The following KLHL13 variants were observed in gnomAD, a reference collection of about 807,000 sequenced individuals.
KLHL13 encodes kelch like family member 13, also known as kelch-like protein 13.
KLHL13 carries 10 observed loss-of-function variants against 37.1 expected under a neutral mutation model. The ratio of observed to expected loss-of-function variants is 0.27; its 90% CI spans 0.17 to 0.46. The LOEUF is 0.46. Among genes scored for constraint, KLHL13 ranks in the 20% least tolerant of loss-of-function variants. KLHL13 has a pLI of 1.00. For missense variants in KLHL13, 360 were observed against 509.3 expected (o/e 0.71, Z 2.82); for synonymous variants, 163 against 181.2 (o/e 0.90, Z 0.81).
intron 1 of KLHL13, among the ~76,000 whole-genome samples, chrX:117,994,105 TC>T (rs2053826934): frequency 8.9e-6 from 1 of 112,116 alleles, no homozygotes; most frequent in African/African-American, 3.2e-5. Context: ...TAAAATGGTT[TC>T]CCACCAACTC....
At chrX:118,010,829 T>C (rs972827752) in intron 1 of KLHL13, among the ~76,000 whole-genome samples, 34 of 110,664 alleles carry the variant, frequency 3.1e-4, no homozygotes, top group Non-Finnish European at 3.8e-5. Flanking sequence ...TCCCAGTACT[T>C]TGGGAGGCTG....
At chrX:117,986,294 CAT>C (rs984436636) in intron 1 of KLHL13, among the ~76,000 whole-genome samples, 2 of 111,742 alleles carry the variant, frequency 1.8e-5, no homozygotes, top group Non-Finnish European at 3.8e-5. Flanking sequence ...AAGAAAGAAA[CAT>C]GTGAAGGAAT....
intron 1 of KLHL13, among the ~76,000 whole-genome samples, chrX:118,113,647 C>A (rs978623536): frequency 8.9e-6 from 1 of 112,126 alleles, no homozygotes; most frequent in African/African-American, 3.2e-5. Context: ...GGTCTCTGCT[C>A]AATCATCTTC....
chrX:118,027,364 G>T (rs2054285405), intron 1 of KLHL13, among the ~76,000 whole-genome samples: 1 of 110,558 alleles, frequency 9.0e-6, no homozygotes, highest in Admixed American at 9.7e-5. Flanking sequence ...ACCCTTTAAA[G>T]AGCACCCATT....
chrX:118,110,095 G>A (rs2055391067), intron 1 of KLHL13, among the ~76,000 whole-genome samples: 1 of 111,535 alleles, frequency 9.0e-6, no homozygotes, highest in African/African-American at 3.3e-5. Context: ...AAAGGAAAAG[G>A]CTGTCAAGAT....
chrX:118,090,322 A>G (rs5956007), intron 1 of KLHL13, among the ~76,000 whole-genome samples: 1 of 110,195 alleles, frequency 9.1e-6, no homozygotes, highest in Non-Finnish European at 1.9e-5. Context: ...GAAACTACCA[A>G]AAGAGTGAAC....
chrX:118,010,147 G>A (rs1290489516), intron 1 of KLHL13, among the ~76,000 whole-genome samples: 1 of 99,876 alleles, frequency 1.0e-5, no homozygotes, highest in African/African-American at 3.7e-5. Flanking sequence ...TGGTGGGACT[G>A]TAAACTAGTT....
intron 1 of KLHL13, among the ~76,000 whole-genome samples, chrX:118,097,551 A>C (rs1393017571): frequency 8.9e-6 from 1 of 111,905 alleles, no homozygotes; most frequent in Non-Finnish European, 1.9e-5. Flanking sequence ...GCTACCAATG[A>C]CTTTCTTCAC....
chrX:118,073,060 C>T (rs1367563685), intron 1 of KLHL13, among the ~76,000 whole-genome samples: 1 of 108,425 alleles, frequency 9.2e-6, no homozygotes, highest in African/African-American at 3.4e-5. Flanking sequence ...TGCCACTGCA[C>T]TATCACCTGG....
At chrX:118,087,581 A>C (rs1215440679) in intron 1 of KLHL13, among the ~76,000 whole-genome samples, 1 of 111,266 alleles carries the variant, frequency 9.0e-6, no homozygotes, top group Non-Finnish European at 1.9e-5. Flanking sequence ...TTTATCTAAA[A>C]GAGTCTGGAA....
intron 1 of KLHL13, among the ~76,000 whole-genome samples, chrX:118,073,087 C>T (rs1465681822): frequency 9.3e-6 from 1 of 107,303 alleles, no homozygotes; most frequent in Non-Finnish European, 1.9e-5. Context: ...GAGTGAGACA[C>T]TCTCTCAAAA....
chrX:118,029,559 C>A (rs922979510), intron 1 of KLHL13, among the ~76,000 whole-genome samples: 1 of 111,514 alleles, frequency 9.0e-6, no homozygotes, highest in Non-Finnish European at 1.9e-5. Context: ...TTATTCTATT[C>A]GTTTCAGATA....
chrX:118,033,136 G>C (rs866522319), intron 1 of KLHL13, among the ~76,000 whole-genome samples: 1 of 111,289 alleles, frequency 9.0e-6, no homozygotes, highest in Non-Finnish European at 1.9e-5. Context: ...GAAAGTGAGG[G>C]GGGGGAATGG....
At chrX:117,986,318 C>G (rs2516004) in intron 1 of KLHL13, among the ~76,000 whole-genome samples, 27,322 of 110,774 alleles carry the variant, frequency 0.25, 5,553 homozygotes, top group African/African-American at 0.69. Flanking sequence ...CAACATGTTG[C>G]AGGGATCAGC....
chrX:118,036,140 A>T (rs1270488626), intron 1 of KLHL13, among the ~76,000 whole-genome samples: 1 of 101,742 alleles, frequency 9.8e-6, no homozygotes, highest in Non-Finnish European at 2.0e-5. Flanking sequence ...GGTAGGAAGA[A>T]TCAATATCGT....
intron 1 of KLHL13, among the ~76,000 whole-genome samples, chrX:118,043,653 T>C (rs1267625253): frequency 8.9e-6 from 1 of 111,845 alleles, no homozygotes; most frequent in Non-Finnish European, 1.9e-5. Context: ...ATCATTTCAA[T>C]TGATAATGAA....
intron 2 of KLHL13, among the ~76,000 whole-genome samples, chrX:117,937,320 T>C (rs762834799): frequency 9.0e-6 from 1 of 111,416 alleles, no homozygotes; most frequent in Non-Finnish European, 1.9e-5. Context: ...CATAGAGTGG[T>C]ATCTCTATGG....
chrX:117,953,569 T>C (rs1569424936), intron 1 of KLHL13, among the ~76,000 whole-genome samples: 1 of 109,833 alleles, frequency 9.1e-6, no homozygotes, highest in African/African-American at 3.3e-5. Flanking sequence ...TAAAATAAAA[T>C]AAAAAAATAA....
upstream of KLHL13, among the ~76,000 whole-genome samples, chrX:117,975,908 C>T (rs1315526047): frequency 9.0e-6 from 1 of 111,375 alleles, no homozygotes; most frequent in East Asian, 2.8e-4. Context: ...ATAAGAATAT[C>T]CTTCTATAAG....
Sources: gnomAD v4.1 joint callset for allele counts (sites outside exome capture counted in the v4.1 genomes callset) on GRCh38, gnomAD v4.1.1 for gene constraint, MANE v1.5 for transcripts, NCBI Gene and HGNC (gene_info 2026-07-23, HGNC 2026-07-21) for gene names.